Variants in TASP1 observed in about 807,000 individuals in gnomAD.
TASP1 encodes the protein taspase 1.
TASP1 carries 16 observed loss-of-function variants against 56.6 expected under a neutral mutation model. That is an observed-to-expected ratio of 0.28 (90% CI 0.19 to 0.43). TASP1 has a LOEUF of 0.43. TASP1 is among the 20% of genes least tolerant of loss of function. The pLI is 1.00. For synonymous variants in TASP1, 179 were observed against 184.2 expected, an observed-to-expected ratio of 0.97 and a Z score of 0.23; for missense variants, 393 against 511.6, an observed-to-expected ratio of 0.77 and a Z score of 2.24.
At chr20:13,167,058 T>A in the TASP1 span, 2 of 152,154 alleles carry the variant, frequency 1.3e-5, no homozygotes, top group East Asian at 3.8e-4. Context: ...TGAGAACAAC[T>A]GTTGATATAC....
At chr20:13,519,277 CA>C (rs1214634336) in intron 10 of TASP1, among the ~76,000 whole-genome samples, 1 of 152,038 alleles carries the variant, frequency 6.6e-6, no homozygotes, top group Non-Finnish European at 1.5e-5. Flanking sequence ...ACCTCAGTAT[CA>C]TGCGATATAT....
the TASP1 span, among the ~76,000 whole-genome samples, chr20:13,253,068 AG>A: frequency 6.6e-6 from 1 of 152,146 alleles, no homozygotes; most frequent in South Asian, 2.1e-4. Flanking sequence ...ACACACAGCG[AG>A]GGAGAAATCA....
At chr20:13,553,937 G>A (rs930234449) in intron 8 of TASP1, among the ~76,000 whole-genome samples, 1 of 152,150 alleles carries the variant, frequency 6.6e-6, no homozygotes, top group Non-Finnish European at 1.5e-5. Context: ...AGGCTCCTTT[G>A]CAGCTGGAAA....
the TASP1 span, among the ~76,000 whole-genome samples, chr20:13,139,754 C>A: frequency 6.6e-6 from 1 of 152,220 alleles, no homozygotes; most frequent in African/African-American, 2.4e-5. Flanking sequence ...CCACCCAGGA[C>A]ATTCTTTCCT....
At chr20:13,336,364 G>A in the TASP1 span, among the ~76,000 whole-genome samples, 5 of 152,124 alleles carry the variant, frequency 3.3e-5, no homozygotes, top group Non-Finnish European at 7.4e-5. Flanking sequence ...CTCATGCCCC[G>A]TCCTGCCCCC....
the TASP1 span, among the ~76,000 whole-genome samples, chr20:13,158,280 T>A: frequency 6.6e-6 from 1 of 152,194 alleles, no homozygotes; most frequent in Non-Finnish European, 1.5e-5. Flanking sequence ...GCTCATTATA[T>A]AAAATTTCCA....
the TASP1 span, among the ~76,000 whole-genome samples, chr20:13,138,089 C>T: frequency 6.6e-6 from 1 of 152,208 alleles, no homozygotes; most frequent in Admixed American, 6.5e-5. Context: ...CTGTGAGTTA[C>T]TCAGTCCACC....
chr20:13,256,338 C>T, the TASP1 span, among the ~76,000 whole-genome samples: 1 of 145,362 alleles, frequency 6.9e-6, no homozygotes, highest in Non-Finnish European at 1.5e-5. Context: ...GGAGGTTACA[C>T]TGAGCCTAGA....
intron 10 of TASP1, among the ~76,000 whole-genome samples, chr20:13,513,066 G>A (rs2044396077): frequency 4.6e-5 from 7 of 152,136 alleles, no homozygotes. Flanking sequence ...TTTGGCTTAG[G>A]ATTGTCTTGG....
intron 10 of TASP1, among the ~76,000 whole-genome samples, chr20:13,498,984 A>T (rs558935110): frequency 1.2e-4 from 19 of 152,316 alleles, no homozygotes; most frequent in African/African-American, 4.3e-4. Context: ...AAAGGAAAAT[A>T]AAGTATGCTA....
At chr20:13,148,502 C>T in the TASP1 span, among the ~76,000 whole-genome samples, 1 of 152,112 alleles carries the variant, frequency 6.6e-6, no homozygotes, top group Admixed American at 6.5e-5. Flanking sequence ...GTCACCCCCA[C>T]GAAAAGGTAT....
the TASP1 span, among the ~76,000 whole-genome samples, chr20:13,130,850 T>G: frequency 6.6e-6 from 1 of 152,188 alleles, no homozygotes. Flanking sequence ...AGTGTCAAAC[T>G]CAGTGCTCAG....
chr20:13,323,311 A>C, the TASP1 span, among the ~76,000 whole-genome samples: 1 of 152,228 alleles, frequency 6.6e-6, no homozygotes, highest in Non-Finnish European at 1.5e-5. Flanking sequence ...AAGGGAGGTC[A>C]CTTACTGGAA....
chr20:13,542,876 A>G (rs901374251), intron 8 of TASP1, among the ~76,000 whole-genome samples: 1 of 152,136 alleles, frequency 6.6e-6, no homozygotes, highest in Non-Finnish European at 1.5e-5. Flanking sequence ...GAAAAGAAGA[A>G]AAAATTAATA....
downstream of TASP1, among the ~76,000 whole-genome samples, chr20:13,386,705 T>C (rs143384411): frequency 8.9e-3 from 1,352 of 152,262 alleles, 13 homozygotes; most frequent in South Asian, 0.022. Flanking sequence ...AAAAAGGCTT[T>C]TGAGTAGCCC....
At chr20:13,131,833 G>A in the TASP1 span, among the ~76,000 whole-genome samples, 2 of 152,094 alleles carry the variant, frequency 1.3e-5, no homozygotes, top group African/African-American at 4.8e-5. Context: ...CTTCCCCACT[G>A]AGAACTTTCT....
chr20:13,342,174 GT>G, the TASP1 span, among the ~76,000 whole-genome samples: 2 of 152,232 alleles, frequency 1.3e-5, no homozygotes, highest in Admixed American at 1.3e-4. Context: ...TACTCAGCCA[GT>G]TTTCTGGAGC....
At chr20:13,308,463 C>G in the TASP1 span, among the ~76,000 whole-genome samples, 1 of 152,092 alleles carries the variant, frequency 6.6e-6, no homozygotes, top group Non-Finnish European at 1.5e-5. Context: ...ATGAATTGAA[C>G]AGTACTTTGC....
intron 7 of TASP1, among the ~76,000 whole-genome samples, chr20:13,565,027 A>G (rs1337417484): frequency 6.6e-6 from 1 of 150,566 alleles, no homozygotes; most frequent in Non-Finnish European, 1.5e-5. Context: ...AAAAAAAAAT[A>G]TGGAAATGGC....
Sources: gnomAD v4.1 joint callset for allele counts (sites outside exome capture counted in the v4.1 genomes callset) on GRCh38, gnomAD v4.1.1 for gene constraint, MANE v1.5 for transcripts, NCBI Gene and HGNC (gene_info 2026-07-23, HGNC 2026-07-21) for gene names.